PVT1: variants seen among roughly 807,000 people sequenced by gnomAD.
The protein encoded by PVT1 is CXCR4/PVT1 fusion.
intron 2 of PVT1, among the ~76,000 whole-genome samples, chr8:127,883,450 G>T (rs2129790932): frequency 6.6e-6 from 1 of 152,134 alleles, no homozygotes; most frequent in Middle Eastern, 3.4e-3. Context: ...AATACCTGGT[G>T]GGGAGGGTCA....
At chr8:127,812,639 AGGAAGGGAAG>A (rs201063026) in intron 2 of PVT1, among the ~76,000 whole-genome samples, 1 of 145,010 alleles carries the variant, frequency 6.9e-6, no homozygotes, top group African/African-American at 2.5e-5. Flanking sequence ...GAAGGAAGGA[AGGAAGGGAAG>A]GGAAGGGAAG....
At chr8:127,966,464 T>C (rs1816703793) in intron 3 of PVT1, among the ~76,000 whole-genome samples, 1 of 152,208 alleles carries the variant, frequency 6.6e-6, no homozygotes, top group South Asian at 2.1e-4. Flanking sequence ...TGTTTTCCAC[T>C]ATACCTCTAG....
At chr8:127,957,890 A>G (rs1304511460) in intron 3 of PVT1, among the ~76,000 whole-genome samples, 1 of 152,228 alleles carries the variant, frequency 6.6e-6, no homozygotes, top group African/African-American at 2.4e-5. Flanking sequence ...CTCGTTCTGC[A>G]GGGCAAGGCC....
At chr8:127,948,008 T>G (rs925723152) in intron 3 of PVT1, 1 of 429,644 alleles carries the variant, frequency 2.3e-6, no homozygotes, top group Non-Finnish European at 4.7e-6. Flanking sequence ...CTTTCTTTAA[T>G]CTGAAACTAT....
intron 2 of PVT1, chr8:127,803,376 G>C (rs932057778): frequency 6.6e-6 from 1 of 152,148 alleles, no homozygotes; most frequent in African/African-American, 2.4e-5. Flanking sequence ...TGATCCGCCC[G>C]CCTTGGCCTC....
At chr8:127,967,526 G>C (rs972902861) in intron 3 of PVT1, among the ~76,000 whole-genome samples, 12 of 152,250 alleles carry the variant, frequency 7.9e-5, no homozygotes, top group Non-Finnish European at 1.8e-4. Context: ...ACAGTACCAC[G>C]AGGTCAGTAA....
In PVT1 at chr8:127,843,780, C is replaced by T. The variant is rs570265103; in HGVS notation, n.373-46809C>T. ...TTTTTTTAATAGGAGGTGGGAATCC[C>T]TTGTCTTCCTGGGCAGACTAGATGT... On this transcript the variant is annotated intron_variant and non_coding_transcript_variant, in intron 2 of 10. Coordinates refer to ENST00000651587, the Ensembl canonical transcript of PVT1. Among the ~76,000 whole-genome samples the T allele has an allele frequency of 1.2e-4, 18 of 151,744 alleles. No individual in the cohort carries two copies. The East Asian group carries it at 2.9e-3, about 25-fold the overall frequency.
Position 127,877,965 on chromosome 8 carries a change from T to C in PVT1, n.373-12624T>C, listed in dbSNP as rs140378096. 7.8e-3 allele frequency among the ~76,000 whole-genome samples: 1,184 copies of C among 152,132 alleles called. 12 individuals are homozygous for C. The highest frequency in any genetic ancestry group is 0.024 in the African/African-American group (1,002 of 41,492). ...CCCCCTCCCCCACAAAAAACCTTAC[T>C]GAACTTTCTTGGAGAACATGCACAC... On this transcript the variant is annotated intron_variant and non_coding_transcript_variant, in intron 2 of 10. Coordinates refer to ENST00000651587, the Ensembl canonical transcript of PVT1.
intron 4 of PVT1, among the ~76,000 whole-genome samples, chr8:128,054,678 C>CA (rs1192538199): frequency 6.6e-6 from 1 of 151,538 alleles, no homozygotes; most frequent in African/African-American, 2.4e-5. Context: ...TTTAATCTGA[C>CA]AGATTCTGAC....
rs78926168 is a variant in PVT1, at chr8:127,845,553, G to A, written n.373-45036G>A. On this transcript the variant is annotated intron_variant and non_coding_transcript_variant, in intron 2 of 10. Coordinates refer to ENST00000651587, the Ensembl canonical transcript of PVT1. ...ATGGCTAGCCAAAAATACTGTGTGA[G>A]TCTAGGAACTTAAGAATGCTAGTCC... Among the ~76,000 whole-genome samples the A allele has an allele frequency of 8.5e-3, 1,292 of 152,298 alleles. 16 individuals carry two copies. Among genetic ancestry groups the A allele is most frequent in the Non-Finnish European group, 0.011 (746 of 68,026 alleles).
Position 128,052,674 on chromosome 8 carries a change from A to T in PVT1, n.913-17486A>T, listed in dbSNP as rs572874547. Among the ~76,000 whole-genome samples the T allele has an allele frequency of 3.3e-5, 5 of 152,340 alleles. No individual in the cohort carries two copies. The South Asian group carries it at 1.0e-3, about 32-fold the overall frequency. ...TTTCACATCTGTATTCCTTCACTAGATTGGGATCCTGTAAGGGGAAGAATG... is the reference window on the plus strand; with the variant it reads ...TTTCACATCTGTATTCCTTCACTAGTTTGGGATCCTGTAAGGGGAAGAATG... On this transcript the variant is annotated intron_variant and non_coding_transcript_variant, in intron 4 of 10. Coordinates refer to ENST00000651587, the Ensembl canonical transcript of PVT1.
chr8:127,861,708 A>C (rs1028868026), intron 2 of PVT1, among the ~76,000 whole-genome samples: 1 of 152,150 alleles, frequency 6.6e-6, no homozygotes, highest in Non-Finnish European at 1.5e-5. Context: ...TAAAATGGGG[A>C]AAATAAGAAC....
At chr8:128,040,049 T>C (rs747392048) in intron 4 of PVT1, among the ~76,000 whole-genome samples, 29 of 152,102 alleles carry the variant, frequency 1.9e-4, no homozygotes, top group Admixed American at 3.3e-4. Flanking sequence ...GGTGGAATTG[T>C]TATGTTAGAG....
intron 2 of PVT1, among the ~76,000 whole-genome samples, chr8:127,845,679 G>C (rs867572734): frequency 3.9e-5 from 6 of 152,176 alleles, no homozygotes; most frequent in African/African-American, 1.4e-4. Flanking sequence ...CTGGAAGCCG[G>C]CAGGGGCATA....
intron 3 of PVT1, among the ~76,000 whole-genome samples, chr8:127,906,950 T>TTGAGCATGTTTC: frequency 6.7e-6 from 1 of 148,422 alleles, no homozygotes. Flanking sequence ...CCTGGCACTC[T>TTGAGCATGTTTC]CTCTTTTTTT....
chr8:127,848,973 C>T (rs1013671716), intron 2 of PVT1, among the ~76,000 whole-genome samples: 16 of 152,182 alleles, frequency 1.1e-4, no homozygotes, highest in Non-Finnish European at 1.8e-4. Flanking sequence ...GGGTTGGAGA[C>T]ACAGCTGGGA....
intron 3 of PVT1, chr8:127,932,707 G>A (rs542766793): frequency 3.4e-5 from 13 of 387,016 alleles, no homozygotes; most frequent in East Asian, 1.1e-4. Context: ...CATAATACAC[G>A]TTATATTTCT....
At chr8:127,900,585 C>A (rs1815747207) in intron 3 of PVT1, among the ~76,000 whole-genome samples, 1 of 152,216 alleles carries the variant, frequency 6.6e-6, no homozygotes, top group Admixed American at 6.5e-5. Context: ...TTCCTCTTTT[C>A]TCCCGGCGCT....
chr8:127,860,247 C>T (rs911258012), intron 2 of PVT1, among the ~76,000 whole-genome samples: 1 of 152,206 alleles, frequency 6.6e-6, no homozygotes, highest in Non-Finnish European at 1.5e-5. Context: ...CGGCTTCCAG[C>T]TCTGGGCACT....
Sources: allele counts gnomAD v4.1 joint callset (sites outside exome capture counted in the v4.1 genomes callset), GRCh38; gene constraint gnomAD v4.1.1; transcripts MANE v1.5; gene names NCBI Gene and HGNC (gene_info 2026-07-23, HGNC 2026-07-21).